Variants in ACADL observed in about 807,000 individuals in gnomAD.
ACADL encodes the protein long-chain specific acyl-CoA dehydrogenase, mitochondrial.
A neutral mutation model predicts 56.9 loss-of-function variants in ACADL; 60 were observed. The observed-to-expected ratio is 1.05, with a 90% CI of 0.86 to 1.31. ACADL has a LOEUF of 1.31. ACADL is among the 50% of genes most tolerant of loss of function. The pLI, the probability that ACADL is intolerant of heterozygous loss-of-function variation, is 0.00. For missense variants in ACADL, 484 were observed against 525.5 expected (o/e 0.92, Z 0.77); for synonymous variants, 158 against 179.7 (o/e 0.88, Z 0.97).
chr2:210,216,490 G>A lies in ACADL; in HGVS notation c.393C>T (p.Gly131=). ...TACCTGAATGAATACTAAAACCTGG[G>A]CCTGAACAATTTGAATAAGCTCTTA... ...WEEQAYSNCS[G]PGFSIHSGIV... The change falls in exon 4 of 11, where the codon GGC becomes GGT. Residue 131 remains glycine (G), a synonymous_variant. Coordinates refer to ENST00000233710, the MANE Select transcript of ACADL (RefSeq NM_001608.4). 1 of 1,613,444 alleles carries A rather than the reference G, an allele frequency of 6.2e-7. No individual in the cohort carries two copies. The highest frequency in any genetic ancestry group is 1.1e-5 in the South Asian group (1 of 91,042).
At chr2:210,224,736 C>G (rs1009643271) in intron 1 of ACADL, 12 of 988,316 alleles carry the variant, frequency 1.2e-5, no homozygotes, top group Non-Finnish European at 1.4e-5. Flanking sequence ...TTCACTACCG[C>G]GCGGCGAGTC....
chr2:210,216,169 A>G (rs978800544), intron 4 of ACADL, among the ~76,000 whole-genome samples, 178 bp downstream of exon 4: 7 of 152,160 alleles, frequency 4.6e-5, no homozygotes, highest in Non-Finnish European at 7.4e-5. Flanking sequence ...TAATATCTCA[A>G]ACATAGCTTA....
intron 4 of ACADL, among the ~76,000 whole-genome samples, chr2:210,215,116 C>T (rs746197748): frequency 6.6e-6 from 1 of 152,154 alleles, no homozygotes; most frequent in Admixed American, 6.6e-5. Flanking sequence ...TCTTTCTTTG[C>T]ACTATTTGCT....
At chr2:210,223,812 GCTT>G (rs1689217280) in intron 1 of ACADL, among the ~76,000 whole-genome samples, 1 of 152,082 alleles carries the variant, frequency 6.6e-6, no homozygotes, top group African/African-American at 2.4e-5. Context: ...CATGTAATGA[GCTT>G]CTTATTGTAA....
In ACADL at chr2:210,214,499, GAAAGAAAGAA is replaced by G. The variant is rs1553691023; in HGVS notation, c.536+1838_536+1847del. On this transcript the variant is annotated intron_variant, in intron 4 of 10. Transcript: ENST00000233710. Reference sequence around the variant, plus strand: ...AGAAAGAAAGAAAGAAAGAAAGAAAGAAAGAAAGAAAAAGAAAGAAAGAAAGAAAGAAATC... The same window carrying G: ...AGAAAGAAAGAAAGAAAGAAAGAAAGAAAGAAAGAAAGAAAGAAAGAAATC... Among the ~76,000 whole-genome samples, 95 of 150,552 alleles carry G rather than the reference GAAAGAAAGAA, an allele frequency of 6.3e-4. 1 individual carries two copies. The highest frequency in any genetic ancestry group is 2.2e-3 in the African/African-American group (89 of 40,236).
At chr2:210,190,058 GTGTTT>G (rs1384148134) in intron 10 of ACADL, among the ~76,000 whole-genome samples, 3 of 151,792 alleles carry the variant, frequency 2.0e-5, no homozygotes, top group East Asian at 1.9e-4. Flanking sequence ...TATAATCTTG[GTGTTT>G]TGTTTTGTTT....
intron 8 of ACADL, among the ~76,000 whole-genome samples, chr2:210,202,411 G>T (rs1357974374): frequency 6.6e-6 from 1 of 152,194 alleles, no homozygotes; most frequent in African/African-American, 2.4e-5. Flanking sequence ...TAAAGAAATA[G>T]AAGTCTTCTA....
chr2:210,198,494 A>G (rs1424952767), intron 8 of ACADL, among the ~76,000 whole-genome samples: 2 of 152,148 alleles, frequency 1.3e-5, no homozygotes, highest in African/African-American at 4.8e-5. Flanking sequence ...CCACACAGGA[A>G]ATGACTAACC....
intron 9 of ACADL, among the ~76,000 whole-genome samples, chr2:210,193,364 TCTGA>T (rs1475384440): frequency 1.3e-5 from 2 of 152,180 alleles, no homozygotes; most frequent in Admixed American, 1.3e-4. Context: ...TTTTTAGGGT[TCTGA>T]CTTTTCAGAA....
Position 210,225,335 on chromosome 2 carries a change from CGGGA to C in ACADL, c.-76_-73del. ...ACTCGGCGACTCGGGGCAGGGTCCC[CGGGA>C]GGGAGGACGATCAGCTGAGGCGTCC... On this transcript the variant is annotated 5_prime_UTR_variant, in exon 1 of 11. Transcript: ENST00000233710. 6.8e-7 allele frequency: 1 copy of C among 1,478,958 alleles called. No individual in the cohort carries two copies. The highest frequency in any genetic ancestry group is 9.1e-7 in the Non-Finnish European group (1 of 1,100,490). 91.6% of individuals were successfully genotyped at this position (1,478,958 alleles called of 1,614,324 possible). A position where few individuals can be genotyped will look rare whatever the true frequency, so the allele number is the denominator to read the frequency against.
chr2:210,216,321 C>T, intron 4 of ACADL, 26 bp downstream of exon 4: 1 of 1,612,330 alleles, frequency 6.2e-7, no homozygotes, highest in Non-Finnish European at 8.5e-7. Flanking sequence ...TTCCAAGAAT[C>T]CAAAGCCAAC....
At chr2:210,198,541 T>C (rs1003140988) in intron 8 of ACADL, among the ~76,000 whole-genome samples, 2 of 152,086 alleles carry the variant, frequency 1.3e-5, no homozygotes, top group African/African-American at 4.8e-5. Flanking sequence ...CATTCCATTT[T>C]CACTTCGTTG....
Position 210,189,066 on chromosome 2 carries a change from A to G in ACADL, c.1200-12T>C, listed in dbSNP as rs748113818. 5.7e-6 allele frequency: 9 copies of G among 1,569,208 alleles called. No individual in the cohort carries two copies. The East Asian group carries it at 2.0e-4, about 35-fold the overall frequency. ...CATCCACATAAGCTCTGGATAAATC[A>G]GATGATTGAATGAATAAATAAAATA... is the stretch of plus-strand genomic sequence containing the variant. On this transcript the variant is annotated splice_polypyrimidine_tract_variant and intron_variant, in intron 10 of 10. Transcript: ENST00000233710.
intron 8 of ACADL, among the ~76,000 whole-genome samples, chr2:210,197,533 G>A (rs1307673207): frequency 2.0e-5 from 3 of 152,026 alleles, no homozygotes; most frequent in Non-Finnish European, 4.4e-5. Context: ...TCTATATATC[G>A]AAAACAGATG....
Position 210,225,374 on chromosome 2 carries a change from G to A in ACADL, c.-111C>T, listed in dbSNP as rs991697862. On this transcript the variant is annotated 5_prime_UTR_variant, in exon 1 of 11. Coordinates refer to ENST00000233710, the MANE Select transcript of ACADL (RefSeq NM_001608.4). ...ATCAGCTGAGGCGTCCACCTGTGGT[G>A]TCCTCCCAAAAAAGCGCTCGCGCGC... 4.7e-6 allele frequency: 6 copies of A among 1,286,810 alleles called. No homozygotes were observed. The highest frequency in any genetic ancestry group is 4.9e-5 in the Admixed American group (2 of 40,504). The allele number at this position is 1,286,810 out of a possible 1,614,324, so 79.7% of individuals were successfully genotyped here. A position where few individuals can be genotyped will look rare whatever the true frequency, so the allele number is the denominator to read the frequency against.
chr2:210,212,328 T>C (rs906729053), intron 4 of ACADL, among the ~76,000 whole-genome samples: 2 of 152,006 alleles, frequency 1.3e-5, no homozygotes, highest in African/African-American at 2.4e-5. Context: ...ATGAATGTCC[T>C]TATAAAAGAG....
chr2:210,192,299 C>T (rs566098931), intron 10 of ACADL, among the ~76,000 whole-genome samples: 1 of 151,732 alleles, frequency 6.6e-6, no homozygotes, highest in Admixed American at 6.6e-5. Flanking sequence ...CCAGCCTGGC[C>T]AACATGGCAA....
intron 2 of ACADL, 122 bp downstream of exon 2, chr2:210,220,525 G>A (rs1448810865): frequency 2.3e-6 from 2 of 885,584 alleles, no homozygotes; most frequent in Non-Finnish European, 3.7e-6. Context: ...GTGAAGAGCA[G>A]TAAAAATGTT....
intron 3 of ACADL, 42 bp downstream of exon 3, chr2:210,217,923 G>A (rs1185550422): frequency 1.2e-6 from 2 of 1,610,146 alleles, no homozygotes; most frequent in South Asian, 1.1e-5. Context: ...TGAGTGGTGT[G>A]TTTACAAAAC....
Sources: allele counts gnomAD v4.1 joint callset (sites outside exome capture counted in the v4.1 genomes callset), GRCh38; gene constraint gnomAD v4.1.1; transcripts MANE v1.5; gene names NCBI Gene and HGNC (gene_info 2026-07-23, HGNC 2026-07-21).